Variants in C2orf80 observed in about 807,000 individuals in gnomAD.
The protein encoded by C2orf80 is chromosome 2 open reading frame 80, also known as uncharacterized protein C2orf80.
In C2orf80, 28 loss-of-function variants were observed where a neutral mutation model predicts 30.2. The observed-to-expected ratio is 0.93, with a 90% CI of 0.69 to 1.27. C2orf80 has a LOEUF of 1.27. Among genes scored for constraint, C2orf80 ranks in the 50% most tolerant of loss-of-function variants. C2orf80 has a pLI of 0.00. For missense variants in C2orf80, 220 were observed against 231.0 expected, an observed-to-expected ratio of 0.95 and a Z score of 0.31; for synonymous variants, 80 against 76.4, an observed-to-expected ratio of 1.05 and a Z score of -0.24.
At chr2:208,186,888 C>T (rs372019719) in intron 2 of C2orf80, 58 bp downstream of exon 2, 54 of 1,468,022 alleles carry the variant, frequency 3.7e-5, no homozygotes, top group Non-Finnish European at 5.1e-5. Flanking sequence ...CCATCTATGA[C>T]ATGAAATCCA....
chr2:208,171,156 T>C lies in C2orf80; in HGVS notation c.455-93A>G. 4.5e-6 allele frequency: 4 copies of C among 893,544 alleles called. No homozygotes were observed. The East Asian group carries it at 9.8e-5, about 22-fold the overall frequency. The allele number at this position is 893,544 out of a possible 1,614,324, so 55.4% of individuals were successfully genotyped here. On this transcript the variant is annotated intron_variant, in intron 7 of 8. Transcript: ENST00000341287. ...CATTTAATTTCATTTCACTAATTAA[T>C]TATTTTTGAGACAGGGTCTCACTTT...
intron 6 of C2orf80, among the ~76,000 whole-genome samples, chr2:208,176,621 G>A (rs1341196859): frequency 3.9e-5 from 6 of 152,042 alleles, no homozygotes; most frequent in Admixed American, 3.9e-4. Context: ...TTATTTGGAG[G>A]TTACCATGGG....
chr2:208,181,546 G>A (rs1194205329), intron 4 of C2orf80, among the ~76,000 whole-genome samples: 2 of 152,088 alleles, frequency 1.3e-5, no homozygotes, highest in Admixed American at 1.3e-4. Context: ...ATCAAAGATT[G>A]GCAGACTGGC....
rs1696538659 is a variant in C2orf80, at chr2:208,180,944, A to G, written c.295-128T>C. 3 of 744,252 alleles carry G rather than the reference A, an allele frequency of 4.0e-6. No individual in the cohort carries two copies. In the African/African-American group the frequency reaches 5.3e-5, roughly 13 times the overall value. The allele number at this position is 744,252 out of a possible 1,614,324, so 46.1% of individuals were successfully genotyped here. On this transcript the variant is annotated intron_variant, in intron 5 of 8. Coordinates refer to ENST00000341287, the MANE Select transcript of C2orf80 (RefSeq NM_001099334.3). Reference sequence around the variant, plus strand: ...GGGTATCATAAGTATTAAATACAGTAAATAACTTCTGATCAATGGATAAAT... The same window carrying G: ...GGGTATCATAAGTATTAAATACAGTGAATAACTTCTGATCAATGGATAAAT...
chr2:208,172,001 G>C lies in C2orf80; in HGVS notation c.441C>G (p.Tyr147Ter). The change falls in exon 7 of 9, where the codon TAC (tyrosine) becomes TAG (stop). Residue 147 changes from tyrosine to a stop codon, truncating the protein, a stop_gained. Coordinates refer to ENST00000341287, the MANE Select transcript of C2orf80 (RefSeq NM_001099334.3). LOFTEE classifies it high-confidence loss of function. Reference sequence around the variant, plus strand: ...AACCAGGCTTACTCTGTTTGCGGGCGTATGCTGCTGCTTTGGGTGCTGTTA... The same window carrying C: ...AACCAGGCTTACTCTGTTTGCGGGCCTATGCTGCTGCTTTGGGTGCTGTTA... ...AMLTAPKAAA[Y>*]ARKQSVKSRK... is the part of the protein sequence containing the mutation. 2 of 1,613,650 alleles carry C rather than the reference G, an allele frequency of 1.2e-6. No homozygotes were observed. Among genetic ancestry groups the C allele is most frequent in the Non-Finnish European group, 1.7e-6 (2 of 1,179,592 alleles).
chr2:208,169,753 T>G (rs1397393835), intron 8 of C2orf80, among the ~76,000 whole-genome samples: 1 of 149,630 alleles, frequency 6.7e-6, no homozygotes, highest in Non-Finnish European at 1.5e-5. Context: ...GAAAAGAAAA[T>G]CTAATACCTT....
At chr2:208,179,486 C>A (rs1043997388) in intron 6 of C2orf80, among the ~76,000 whole-genome samples, 4 of 152,202 alleles carry the variant, frequency 2.6e-5, no homozygotes, top group Non-Finnish European at 5.9e-5. Flanking sequence ...AGCAGAAGAC[C>A]TGGGCGTGAG....
chr2:208,172,153 C>T lies in C2orf80; in HGVS notation c.367-78G>A, dbSNP rs370626154. On this transcript the variant is annotated intron_variant, in intron 6 of 8. Coordinates refer to ENST00000341287, the MANE Select transcript of C2orf80 (RefSeq NM_001099334.3). ...ACACCTGCTAGTCACAGCATTTGGC[C>T]TATTTAATCAACTCAGAATCCTTGA... 1.1e-5 allele frequency: 12 copies of T among 1,137,494 alleles called. No individual in the cohort carries two copies. The East Asian group carries it at 2.1e-4, about 20-fold the overall frequency. The allele number at this position is 1,137,494 out of a possible 1,614,324, so 70.5% of individuals were successfully genotyped here. A position where few individuals can be genotyped will look rare whatever the true frequency, so the allele number is the denominator to read the frequency against.
Position 208,165,725 on chromosome 2 carries a change from C to G in C2orf80, c.*82G>C. 6.2e-7 allele frequency: 1 copy of G among 1,600,222 alleles called. No individual in the cohort carries two copies. The highest frequency in any genetic ancestry group is 1.3e-5 in the African/African-American group (1 of 74,502). On this transcript the variant is annotated 3_prime_UTR_variant, in exon 9 of 9. Transcript: ENST00000341287. ...ACAGTTGTAAAGAAAAATGTACTGG[C>G]AAGAGCTGTGGTTTTAAGATGATGC... is the stretch of plus-strand genomic sequence containing the variant.
Position 208,176,950 on chromosome 2 carries a change from T to TATGTATACAGATCTGTATAACAG in C2orf80, c.366+3794_366+3795insCTGTTATACAGATCTGTATACAT. On this transcript the variant is annotated intron_variant, in intron 6 of 8. Transcript: ENST00000341287. ...ACATATGTATACATATCTGTATACA[T>TATGTATACAGATCTGTATAACAG]ATCTGTATACATATGTATACATATA... Among the ~76,000 whole-genome samples the TATGTATACAGATCTGTATAACAG allele has an allele frequency of 6.1e-5, 2 of 32,860 alleles. 1 individual carries two copies. Among genetic ancestry groups the TATGTATACAGATCTGTATAACAG allele is most frequent in the Non-Finnish European group, 1.2e-4 (2 of 17,002 alleles). 21.6% of individuals were successfully genotyped at this position (32,860 alleles called of 152,430 possible). A position where few individuals can be genotyped will look rare whatever the true frequency, so the allele number is the denominator to read the frequency against.
chr2:208,181,657 G>C (rs1696565839), intron 4 of C2orf80, among the ~76,000 whole-genome samples: 1 of 152,036 alleles, frequency 6.6e-6, no homozygotes, highest in Non-Finnish European at 1.5e-5. Context: ...AAGCCTATAT[G>C]CTTCTAGGGA....
intron 6 of C2orf80, among the ~76,000 whole-genome samples, chr2:208,174,997 A>G (rs1696236219): frequency 6.6e-6 from 1 of 152,108 alleles, no homozygotes; most frequent in South Asian, 2.1e-4. Flanking sequence ...CGAATAAGAC[A>G]TGGTCGGGCG....
intron 6 of C2orf80, among the ~76,000 whole-genome samples, chr2:208,178,553 C>T (rs1292826588): frequency 3.6e-4 from 55 of 152,098 alleles, no homozygotes; most frequent in Admixed American, 2.0e-4. Flanking sequence ...CTCTGAGGAG[C>T]GTCAGGCCTG....
intron 4 of C2orf80, 137 bp downstream of exon 4, chr2:208,182,828 G>A (rs1696600593): frequency 2.7e-6 from 2 of 750,030 alleles, no homozygotes; most frequent in African/African-American, 3.4e-5. Flanking sequence ...CAGGTGTCTC[G>A]TTGAAGAGGG....
At chr2:208,178,196 C>T (rs1345609346) in intron 6 of C2orf80, among the ~76,000 whole-genome samples, 2 of 152,120 alleles carry the variant, frequency 1.3e-5, no homozygotes, top group Admixed American at 6.5e-5. Flanking sequence ...ACTGATAACC[C>T]AGCCAAACCT....
intron 6 of C2orf80, among the ~76,000 whole-genome samples, chr2:208,172,927 G>A (rs900020055): frequency 6.6e-6 from 1 of 151,704 alleles, no homozygotes; most frequent in Non-Finnish European, 1.5e-5. Context: ...GACCAGCCTG[G>A]CCAACATGGC....
intron 6 of C2orf80, among the ~76,000 whole-genome samples, chr2:208,175,624 C>T (rs560248173): frequency 1.3e-5 from 2 of 152,096 alleles, no homozygotes; most frequent in African/African-American, 4.8e-5. Context: ...TAGTATTCAA[C>T]AGAGTTTTAA....
In C2orf80 at chr2:208,188,085, CGTGTGTGTGTGTGT is replaced by C. The variant is rs139478315; in HGVS notation, c.-75-1038_-75-1025del. Among the ~76,000 whole-genome samples the C allele has an allele frequency of 6.9e-3, 997 of 144,206 alleles. 13 individuals are homozygous for C. Among genetic ancestry groups the C allele is most frequent in the African/African-American group, 0.023 (903 of 39,672 alleles). The allele number at this position is 144,206 out of a possible 152,430, so 94.6% of individuals were successfully genotyped here. A position where few individuals can be genotyped will look rare whatever the true frequency, so the allele number is the denominator to read the frequency against. Reference sequence around the variant, plus strand: ...AGAGATGGTTAAGCCTATACTGCACCGTGTGTGTGTGTGTGTGTGTGTGTGTGTGTGTGTGTGTG... The same window carrying C: ...AGAGATGGTTAAGCCTATACTGCACCGTGTGTGTGTGTGTGTGTGTGTGTG... On this transcript the variant is annotated intron_variant, in intron 1 of 8. Coordinates refer to ENST00000341287, the MANE Select transcript of C2orf80 (RefSeq NM_001099334.3).
At chr2:208,168,390 TG>T (rs372141719) in intron 8 of C2orf80, 30 of 321,094 alleles carry the variant, frequency 9.3e-5, no homozygotes, top group African/African-American at 6.9e-4. Flanking sequence ...ACCCAAGAGT[TG>T]GGCCGGGCGC....
Sources: allele counts gnomAD v4.1 joint callset (sites outside exome capture counted in the v4.1 genomes callset), GRCh38; gene constraint gnomAD v4.1.1; transcripts MANE v1.5; gene names NCBI Gene and HGNC (gene_info 2026-07-23, HGNC 2026-07-21).